GBP4: variants seen among roughly 807,000 people sequenced by gnomAD.
GBP4 encodes the protein guanylate binding protein 4, also known as guanylate-binding protein 4.
In GBP4, 69 loss-of-function variants were observed where a neutral mutation model predicts 62.2. That is an observed-to-expected ratio of 1.11 (90% CI 0.91 to 1.36). The LOEUF is 1.36. Ranked by LOEUF, GBP4 falls within the 40% of genes most tolerant of loss-of-function variation. GBP4 has a pLI of 0.00. For missense variants in GBP4, 697 were observed against 759.3 expected, an observed-to-expected ratio of 0.92 and a Z score of 0.96; for synonymous variants, 278 against 274.6, an observed-to-expected ratio of 1.01 and a Z score of -0.12.
chr1:89,190,444 C>G (rs543748146), intron 6 of GBP4, 126 bp from the exon 7 acceptor site: 1 of 662,764 alleles, frequency 1.5e-6, no homozygotes, highest in Non-Finnish European at 2.4e-6. Flanking sequence ...CTCCTTTATT[C>G]TCTTCCTCCT....
intron 4 of GBP4, 73 bp downstream of exon 4, chr1:89,193,230 C>T: frequency 2.0e-6 from 3 of 1,537,994 alleles, no homozygotes; most frequent in South Asian, 2.3e-5. Context: ...TGAGTCACAG[C>T]AAAGAAGACA....
intron 8 of GBP4, among the ~76,000 whole-genome samples, chr1:89,187,971 A>G (rs1271933711): frequency 6.6e-6 from 1 of 152,228 alleles, no homozygotes. Flanking sequence ...ATGGCTGTCA[A>G]GTACATAGGT....
intron 1 of GBP4, among the ~76,000 whole-genome samples, chr1:89,197,926 T>C (rs1331384625): frequency 1.3e-5 from 2 of 152,058 alleles, no homozygotes; most frequent in Non-Finnish European, 2.9e-5. Context: ...AGTCCTTTAT[T>C]AGCCGGCGAC....
At position 89,193,163 on chromosome 1, in the gene GBP4, C is replaced by T. The variant is rs1009851498; in HGVS notation, c.474-63G>A. 4 of 1,571,244 alleles carry T rather than the reference C, an allele frequency of 2.5e-6. No individual in the cohort carries two copies. In the Admixed American group the frequency reaches 5.2e-5, roughly 20 times the overall value. The stretch of plus-strand genomic sequence containing the variant: ...ATCATTTCCATATCTCACTTAGAAA[C>T]AAGTTTTATACACGTTCCCTTTTGC... On this transcript the variant is annotated intron_variant, in intron 4 of 10. Transcript: ENST00000355754.
At chr1:89,196,935 AC>A (rs1463665691) in intron 2 of GBP4, among the ~76,000 whole-genome samples, 174 bp downstream of exon 2, 1 of 152,224 alleles carries the variant, frequency 6.6e-6, no homozygotes, top group Non-Finnish European at 1.5e-5. Flanking sequence ...ATGATTCTTT[AC>A]TATTGGACTA....
chr1:89,194,675 C>T (rs1648280543), intron 3 of GBP4, among the ~76,000 whole-genome samples: 1 of 152,168 alleles, frequency 6.6e-6, no homozygotes, highest in African/African-American at 2.4e-5. Context: ...TTACAATATT[C>T]TTTGTGGGTC....
In GBP4 at chr1:89,190,146, C is replaced by T; in HGVS notation, c.1089G>A (p.Thr363=). The part of the protein sequence containing the change: ...MAQQLRLPTD[T]LQELLDVHAA... ...CATGCACGTCCAGCAGCTCCTGGAG[C>T]GTGTCTGTGGGGAGCCTCAGTTGCT... Residue 363 remains threonine, a synonymous_variant, in exon 7 of 11, where the codon ACG becomes ACA. Transcript: ENST00000355754. 3 of 1,614,152 alleles carry T rather than the reference C, an allele frequency of 1.9e-6. No homozygotes were observed. The highest frequency in any genetic ancestry group is 2.2e-5 in the East Asian group (1 of 44,868).
At chr1:89,194,201 A>C (rs1283045484) in intron 3 of GBP4, among the ~76,000 whole-genome samples, 1 of 152,218 alleles carries the variant, frequency 6.6e-6, no homozygotes, top group Non-Finnish European at 1.5e-5. Context: ...CATTTGCCTG[A>C]AGCAGTGAGT....
At position 89,187,041 on chromosome 1, in the gene GBP4, T is replaced by G; in HGVS notation, c.1472A>C (p.Gln491Pro). The G allele has an allele frequency of 6.2e-7, 1 of 1,614,130 alleles. No individual in the cohort carries two copies. The highest frequency in any genetic ancestry group is 8.5e-7 in the Non-Finnish European group (1 of 1,180,012). Residue 491 changes from glutamine to proline, a missense_variant, in exon 9 of 11, where the codon CAG becomes CCG. Gln to Pro is a moderately conservative substitution (Grantham distance 76, BLOSUM62 -1). Coordinates refer to ENST00000355754, the MANE Select transcript of GBP4 (RefSeq NM_052941.5). The stretch of plus-strand genomic sequence containing the variant: ...TCCAGCAGTGAGGGCTTTGTCTGAC[T>G]GCAGGATGGATTCCTCTACAACCAC... ...SQVVVEESIL[Q>P]SDKALTAGEK... is the part of the protein sequence containing the mutation.
intron 7 of GBP4, among the ~76,000 whole-genome samples, chr1:89,189,791 T>A (rs1186695163): frequency 7.9e-5 from 12 of 152,158 alleles, no homozygotes; most frequent in African/African-American, 2.7e-4. Flanking sequence ...CTGACCTACA[T>A]AACTATGAGC....
intron 6 of GBP4, among the ~76,000 whole-genome samples, chr1:89,191,052 T>C (rs1648168439): frequency 6.6e-6 from 1 of 152,234 alleles, no homozygotes; most frequent in South Asian, 2.1e-4. Flanking sequence ...CATTAGTGTA[T>C]TAATTTTGTG....
In GBP4 at chr1:89,196,590, T is replaced by C. The variant is rs1292290523; in HGVS notation, c.235+520A>G. 2.0e-5 allele frequency among the ~76,000 whole-genome samples: 3 copies of C among 152,370 alleles called. No individual in the cohort carries two copies. The East Asian group carries it at 5.8e-4, about 29-fold the overall frequency. On this transcript the variant is annotated intron_variant, in intron 2 of 10. Transcript: ENST00000355754. ...CTGTAAAGGTATGTTGTACATACTC[T>C]TCTTTATGTGTCATAGTTCACATAT...
intron 2 of GBP4, among the ~76,000 whole-genome samples, chr1:89,195,669 A>C (rs1408310506): frequency 6.6e-6 from 1 of 152,168 alleles, no homozygotes; most frequent in African/African-American, 2.4e-5. Flanking sequence ...GCTGAGCCAG[A>C]GAGGAAGTAG....
chr1:89,185,509 T>A (rs568647705), intron 10 of GBP4, 40 bp from the exon 11 acceptor site: 1 of 1,083,670 alleles, frequency 9.2e-7, no homozygotes, highest in Admixed American at 1.9e-5. Flanking sequence ...AATCTCCAAT[T>A]TTCTTCAGGA....
Position 89,190,208 on chromosome 1 carries a change from G to A in GBP4, c.1027C>T (p.Gln343Ter), listed in dbSNP as rs1648143716. Reference sequence around the variant, plus strand: ...TGGCTATAGTGGTCGGCTGCCCTCTGCACAGCCGCTGGGTTCTCAAGCTGG... The same window carrying A: ...TGGCTATAGTGGTCGGCTGCCCTCTACACAGCCGCTGGGTTCTCAAGCTGG... ...LAQLENPAAV[Q>*]RAADHYSQQM... is the part of the protein sequence containing the mutation. Residue 343 changes from glutamine to a stop codon, truncating the protein, a stop_gained, in exon 7 of 11, where the codon CAG (glutamine) becomes TAG (stop). Coordinates refer to ENST00000355754, the MANE Select transcript of GBP4 (RefSeq NM_052941.5). LOFTEE classifies it high-confidence loss of function. 3.7e-6 allele frequency: 6 copies of A among 1,614,152 alleles called. No individual in the cohort carries two copies. Among genetic ancestry groups the A allele is most frequent in the Non-Finnish European group, 5.1e-6 (6 of 1,180,014 alleles).
At position 89,195,254 on chromosome 1, in the gene GBP4, A is replaced by G. The variant is rs756641533; in HGVS notation, c.363+43T>C. The G allele has an allele frequency of 8.7e-6, 14 of 1,600,148 alleles. 1 individual carries two copies. In the South Asian group the frequency reaches 1.3e-4, roughly 15 times the overall value. ...GTTGAAGGGAGCTGAAAAAATTAAA[A>G]GATGAGAGGTCAACCATGAGCGGTG... On this transcript the variant is annotated intron_variant, in intron 3 of 10. Coordinates refer to ENST00000355754, the MANE Select transcript of GBP4 (RefSeq NM_052941.5).
chr1:89,193,451 C>CTTCATTCATTCA (rs10699048), intron 3 of GBP4, 39 bp from the exon 4 acceptor site: 33 of 1,491,550 alleles, frequency 2.2e-5, no homozygotes, highest in African/African-American at 8.6e-5. Flanking sequence ...GGAGTATTCT[C>CTTCATTCATTCA]TTCATTCATT....
At chr1:89,198,209 C>A (rs995895960) in intron 1 of GBP4, among the ~76,000 whole-genome samples, 1 of 151,990 alleles carries the variant, frequency 6.6e-6, no homozygotes, top group South Asian at 2.1e-4. Context: ...TGCTGTTAAC[C>A]GGGCGAATTC....
chr1:89,187,206 T>C, intron 8 of GBP4, 104 bp from the exon 9 acceptor site: 1 of 886,332 alleles, frequency 1.1e-6, no homozygotes, highest in Non-Finnish European at 1.8e-6. Flanking sequence ...CCTGTAAACT[T>C]TGCATAATTC....
Sources: allele counts gnomAD v4.1 joint callset (sites outside exome capture counted in the v4.1 genomes callset), GRCh38; gene constraint gnomAD v4.1.1; transcripts MANE v1.5; gene names NCBI Gene and HGNC (gene_info 2026-07-23, HGNC 2026-07-21).